The following ODF2L variants were observed in gnomAD, a reference collection of about 807,000 sequenced individuals.
The protein encoded by ODF2L is outer dense fiber of sperm tails 2 like, also known as protein BCAP.
In ODF2L, 76 loss-of-function variants were observed where a neutral mutation model predicts 86.3. That is an observed-to-expected ratio of 0.88 (90% CI 0.73 to 1.07). The LOEUF (loss-of-function observed/expected upper bound fraction) is 1.07. Ranked by LOEUF, ODF2L falls within the 50% of genes least tolerant of loss-of-function variation. The pLI is 0.00. For synonymous variants in ODF2L, 241 were observed against 231.3 expected, an observed-to-expected ratio of 1.04 and a Z score of -0.38; for missense variants, 748 against 717.4, an observed-to-expected ratio of 1.04 and a Z score of -0.49.
At chr1:86,373,984 C>A (rs1659993553) in intron 8 of ODF2L, among the ~76,000 whole-genome samples, 1 of 152,172 alleles carries the variant, frequency 6.6e-6, no homozygotes, top group Non-Finnish European at 1.5e-5. Flanking sequence ...CTCTGCAGAT[C>A]CACCTAAAGA....
chr1:86,387,939 A>G (rs1570436454), intron 1 of ODF2L, among the ~76,000 whole-genome samples: 1 of 152,084 alleles, frequency 6.6e-6, no homozygotes, highest in East Asian at 1.9e-4. Context: ...ATATTCAAGA[A>G]TTTTTAACAC....
chr1:86,361,426 GTTACCATA>G (rs1307032043), intron 11 of ODF2L, among the ~76,000 whole-genome samples: 2 of 152,128 alleles, frequency 1.3e-5, no homozygotes, highest in African/African-American at 4.8e-5. Flanking sequence ...GGGAGACACG[GTTACCATA>G]TTCCAAGGAT....
chr1:86,353,821 C>T (rs1244845145), intron 16 of ODF2L, among the ~76,000 whole-genome samples: 2 of 152,220 alleles, frequency 1.3e-5, no homozygotes, highest in Non-Finnish European at 2.9e-5. Context: ...GCGCCGTCCC[C>T]TCAGTGTGGG....
At chr1:86,366,006 T>C (rs943505419) in intron 11 of ODF2L, among the ~76,000 whole-genome samples, 1 of 152,116 alleles carries the variant, frequency 6.6e-6, no homozygotes, top group Admixed American at 6.5e-5. Flanking sequence ...AGAGGGACGG[T>C]GCTGGCGACC....
chr1:86,362,271 ATTT>A (rs367986336), intron 11 of ODF2L, among the ~76,000 whole-genome samples: 3 of 145,634 alleles, frequency 2.1e-5, no homozygotes, highest in Non-Finnish European at 4.6e-5. Context: ...ATCTGACTAA[ATTT>A]TTTTTTTTTT....
intron 1 of ODF2L, among the ~76,000 whole-genome samples, chr1:86,395,276 C>G (rs891837951): frequency 6.6e-6 from 1 of 152,236 alleles, no homozygotes. Flanking sequence ...TCCCCAACAG[C>G]AGCCCCAGTA....
At chr1:86,372,242 C>G (rs934613833) in intron 9 of ODF2L, among the ~76,000 whole-genome samples, 189 bp downstream of exon 9, 1 of 150,350 alleles carries the variant, frequency 6.7e-6, no homozygotes, top group Non-Finnish European at 1.5e-5. Context: ...AATGAGCAAT[C>G]ATTTTAATTA....
At chr1:86,357,900 A>G (rs1369912633) in intron 13 of ODF2L, 3 of 984,986 alleles carry the variant, frequency 3.0e-6, no homozygotes, top group Admixed American at 6.2e-5. Flanking sequence ...AAAAGGAGAC[A>G]TTTGCACTGG....
At chr1:86,356,632 A>C in intron 13 of ODF2L, 30 bp from the exon 13 acceptor site, 1 of 1,588,812 alleles carries the variant, frequency 6.3e-7, no homozygotes, top group South Asian at 1.1e-5. Context: ...AAATAAGTGC[A>C]AGATCACACA....
chr1:86,368,786 A>G, intron 10 of ODF2L: 1 of 1,271,186 alleles, frequency 7.9e-7, no homozygotes, highest in Non-Finnish European at 1.0e-6. Context: ...TTATTATTAA[A>G]TGTTAAAAAC....
chr1:86,382,229 A>G lies in ODF2L; in HGVS notation c.624+13T>C. 2 of 1,575,982 alleles carry G rather than the reference A, an allele frequency of 1.3e-6. No homozygotes were observed. Among genetic ancestry groups the G allele is most frequent in the Non-Finnish European group, 1.7e-6 (2 of 1,165,614 alleles). On this transcript the variant is annotated intron_variant, in intron 7 of 17. Transcript: ENST00000317336. ...ACTTAAGCTATAAAAATGGATATAT[A>G]TTTATATATAACCTTTACATATTCT...
chr1:86,374,162 T>G (rs1660010386), intron 8 of ODF2L, among the ~76,000 whole-genome samples: 1 of 152,236 alleles, frequency 6.6e-6, no homozygotes, highest in Admixed American at 6.5e-5. Context: ...AAGTATTTAC[T>G]GAGCATGTAT....
chr1:86,353,097 C>T, intron 16 of ODF2L, 113 bp from the exon 16 acceptor site: 1 of 680,894 alleles, frequency 1.5e-6, no homozygotes, highest in Non-Finnish European at 2.5e-6. Flanking sequence ...TATGTTATAT[C>T]CAAGTTTAAA....
intron 7 of ODF2L, among the ~76,000 whole-genome samples, chr1:86,378,776 G>T (rs1378565440): frequency 6.6e-6 from 1 of 152,006 alleles, no homozygotes; most frequent in Non-Finnish European, 1.5e-5. Flanking sequence ...CCTCCCACCA[G>T]GTCTCTCCCT....
chr1:86,376,602 G>A (rs946107101), intron 7 of ODF2L, among the ~76,000 whole-genome samples, 184 bp from the exon 8 acceptor site: 4 of 152,076 alleles, frequency 2.6e-5, no homozygotes, highest in African/African-American at 7.2e-5. Context: ...AGTTCCACAC[G>A]GCTGGGAAGA....
Position 86,361,994 on chromosome 1 carries a change from A to T in ODF2L, c.1144-1458T>A, listed in dbSNP as rs140663916. 1.3e-3 allele frequency among the ~76,000 whole-genome samples: 199 copies of T among 152,310 alleles called. 1 individual carries two copies. Among genetic ancestry groups the T allele is most frequent in the African/African-American group, 4.4e-3 (182 of 41,572 alleles). On this transcript the variant is annotated intron_variant, in intron 11 of 17. Coordinates refer to ENST00000317336, the Ensembl canonical transcript of ODF2L. ...AGCAGCTAGGAATGACATGTGGGCG[A>T]AGGCCTCCTGAGAAAGAGACTTTTG...
chr1:86,379,712 T>G (rs1238756492), intron 7 of ODF2L, among the ~76,000 whole-genome samples: 1 of 152,204 alleles, frequency 6.6e-6, no homozygotes, highest in East Asian at 1.9e-4. Flanking sequence ...AGAGTTACAT[T>G]AAAGATAATA....
intron 1 of ODF2L, among the ~76,000 whole-genome samples, chr1:86,392,703 G>A (rs1223793540): frequency 6.6e-6 from 1 of 151,982 alleles, no homozygotes; most frequent in African/African-American, 2.4e-5. Flanking sequence ...ACTACCAATT[G>A]GAATTCAGTG....
chr1:86,356,291 T>C (rs1182099), intron 14 of ODF2L, among the ~76,000 whole-genome samples, 153 bp downstream of exon 13: 2 of 152,068 alleles, frequency 1.3e-5, no homozygotes, highest in Non-Finnish European at 2.9e-5. Context: ...CTTGCAAAAC[T>C]GTATTATAGT....
Sources: gnomAD v4.1 joint callset for allele counts (sites outside exome capture counted in the v4.1 genomes callset) on GRCh38, gnomAD v4.1.1 for gene constraint, MANE v1.5 for transcripts, NCBI Gene and HGNC (gene_info 2026-07-23, HGNC 2026-07-21) for gene names.